Variants in BRINP2 observed in about 807,000 individuals in gnomAD.
The protein encoded by BRINP2 is BMP/retinoic acid inducible neural specific 2, also known as BMP/retinoic acid-inducible neural-specific protein 2.
In BRINP2, 21 loss-of-function variants were observed where a neutral mutation model predicts 69.2. That is an observed-to-expected ratio of 0.30 (90% confidence interval 0.22 to 0.44). The LOEUF (loss-of-function observed/expected upper bound fraction) is 0.44. Among genes scored for constraint, BRINP2 ranks in the 20% least tolerant of loss-of-function variants. BRINP2 has a pLI of 1.00. For missense variants in BRINP2, 877 were observed against 986.0 expected, an observed-to-expected ratio of 0.89 and a Z score of 1.48; for synonymous variants, 380 against 394.1, an observed-to-expected ratio of 0.96 and a Z score of 0.42.
chr1:177,256,301 A>T (rs778024710), intron 3 of BRINP2, 192 bp downstream of exon 3: 133 of 983,446 alleles, frequency 1.4e-4, no homozygotes, highest in Middle Eastern at 5.2e-4. Flanking sequence ...CTATTTAATT[A>T]TTCCCTGAGG....
intron 2 of BRINP2, among the ~76,000 whole-genome samples, chr1:177,247,316 A>G (rs765291209): frequency 6.6e-6 from 1 of 152,228 alleles, no homozygotes. Flanking sequence ...TGGAAAGGCA[A>G]ATCTCCAAGA....
At chr1:177,219,674 T>C (rs1005787869) in intron 1 of BRINP2, among the ~76,000 whole-genome samples, 1 of 152,182 alleles carries the variant, frequency 6.6e-6, no homozygotes, top group African/African-American at 2.4e-5. Context: ...AGGGCAGAGC[T>C]TGGGCTAAAA....
chr1:177,215,664 A>T (rs199619346), intron 1 of BRINP2, among the ~76,000 whole-genome samples: 35 of 152,166 alleles, frequency 2.3e-4, no homozygotes, highest in East Asian at 9.6e-4. Flanking sequence ...TTCTTTTTTT[A>T]AAATGTTTAT....
chr1:177,249,934 A>G (rs1650528176), intron 2 of BRINP2, among the ~76,000 whole-genome samples: 1 of 152,206 alleles, frequency 6.6e-6, no homozygotes, highest in Admixed American at 6.5e-5. Context: ...GAAGAAACTT[A>G]TTGGGGTAGA....
intron 2 of BRINP2, among the ~76,000 whole-genome samples, chr1:177,250,775 C>T (rs753525830): frequency 5.9e-5 from 9 of 152,208 alleles, no homozygotes; most frequent in Non-Finnish European, 1.0e-4. Flanking sequence ...CAGAGTTTCA[C>T]AGGTGGAGGT....
chr1:177,190,384 A>G (rs1294733881), intron 1 of BRINP2, among the ~76,000 whole-genome samples: 2 of 152,010 alleles, frequency 1.3e-5, no homozygotes, highest in South Asian at 2.1e-4. Context: ...CTATCCCTCA[A>G]TCTTTCTCTC....
intron 2 of BRINP2, among the ~76,000 whole-genome samples, chr1:177,230,845 G>A (rs928836823): frequency 6.6e-6 from 1 of 152,180 alleles, no homozygotes; most frequent in Non-Finnish European, 1.5e-5. Flanking sequence ...CTCCCACAGT[G>A]CACCAGTGAA....
At chr1:177,183,983 A>T (rs1305135579) in intron 1 of BRINP2, among the ~76,000 whole-genome samples, 1 of 152,220 alleles carries the variant, frequency 6.6e-6, no homozygotes, top group African/African-American at 2.4e-5. Context: ...TTTTAAAGAG[A>T]GAGATAAGTG....
chr1:177,180,650 G>A (rs937205692), intron 1 of BRINP2, among the ~76,000 whole-genome samples: 3 of 152,086 alleles, frequency 2.0e-5, no homozygotes, highest in African/African-American at 7.2e-5. Context: ...GAGCTCTCTC[G>A]TTGGAGCAGG....
intron 1 of BRINP2, among the ~76,000 whole-genome samples, chr1:177,224,804 AC>A (rs1004605538): frequency 1.3e-5 from 2 of 152,208 alleles, no homozygotes; most frequent in African/African-American, 4.8e-5. Context: ...ATATGAAATG[AC>A]TTATATTGGT....
At chr1:177,181,747 G>T (rs1327661889) in intron 1 of BRINP2, among the ~76,000 whole-genome samples, 3 of 152,174 alleles carry the variant, frequency 2.0e-5, no homozygotes, top group African/African-American at 7.2e-5. Flanking sequence ...CTTGGGAGGC[G>T]CCCTGCACAC....
chr1:177,233,442 C>T (rs1649923173), intron 2 of BRINP2, among the ~76,000 whole-genome samples: 1 of 152,208 alleles, frequency 6.6e-6, no homozygotes, highest in African/African-American at 2.4e-5. Context: ...TAGGATAGTG[C>T]TTAATAAATA....
chr1:177,214,102 A>G (rs1453392321), intron 1 of BRINP2, among the ~76,000 whole-genome samples: 1 of 152,184 alleles, frequency 6.6e-6, no homozygotes, highest in Non-Finnish European at 1.5e-5. Flanking sequence ...GTCTAAGTCT[A>G]CAGTCTCACT....
intron 1 of BRINP2, among the ~76,000 whole-genome samples, chr1:177,193,712 C>T (rs1648656868): frequency 6.6e-6 from 1 of 152,170 alleles, no homozygotes; most frequent in East Asian, 1.9e-4. Flanking sequence ...TGCCTTGTCC[C>T]GCACATGCCC....
chr1:177,214,173 T>C (rs1471550247), intron 1 of BRINP2, among the ~76,000 whole-genome samples: 1 of 152,212 alleles, frequency 6.6e-6, no homozygotes, highest in Non-Finnish European at 1.5e-5. Context: ...AGCTCATGCC[T>C]GTAATCCCAG....
intron 1 of BRINP2, among the ~76,000 whole-genome samples, chr1:177,207,233 A>G (rs1649092678): frequency 6.6e-6 from 1 of 152,118 alleles, no homozygotes; most frequent in Non-Finnish European, 1.5e-5. Context: ...AATAAATCCT[A>G]TAGAAGAAGA....
At chr1:177,218,910 C>T (rs552067985) in intron 1 of BRINP2, among the ~76,000 whole-genome samples, 13 of 152,136 alleles carry the variant, frequency 8.5e-5, no homozygotes, top group Non-Finnish European at 1.6e-4. Context: ...CTTCTTCCAC[C>T]ATCTTGCTGA....
chr1:177,278,525 G>T (rs368563633), intron 6 of BRINP2, 38 bp from the exon 7 acceptor site: 50 of 1,601,056 alleles, frequency 3.1e-5, no homozygotes, highest in Non-Finnish European at 3.9e-5. Context: ...GTTCTGCATA[G>T]CTACCCGTCA....
intron 1 of BRINP2, among the ~76,000 whole-genome samples, chr1:177,201,466 G>C (rs563968595): frequency 5.9e-5 from 9 of 152,312 alleles, no homozygotes; most frequent in African/African-American, 2.2e-4. Context: ...GGAAGTCAAA[G>C]ATTTTGCCTT....
Sources: gnomAD v4.1 joint callset for allele counts (sites outside exome capture counted in the v4.1 genomes callset) on GRCh38, gnomAD v4.1.1 for gene constraint, MANE v1.5 for transcripts, NCBI Gene and HGNC (gene_info 2026-07-23, HGNC 2026-07-21) for gene names.